Variants in SNX7 observed in about 807,000 individuals in gnomAD.
SNX7 encodes the protein sorting nexin-7.
SNX7 carries 35 observed loss-of-function variants against 48.4 expected under a neutral mutation model. The ratio of observed to expected loss-of-function variants is 0.72; its 90% CI spans 0.55 to 0.96. The LOEUF is 0.96. SNX7 is among the 40% of genes least tolerant of loss of function. The pLI is 0.00. For missense variants in SNX7, 553 were observed against 548.9 expected (o/e 1.01, Z -0.07); for synonymous variants, 190 against 190.2 (o/e 1.00, Z 0.01).
At chr1:98,678,573 T>C (rs761177027) in intron 1 of SNX7, among the ~76,000 whole-genome samples, 18 of 152,100 alleles carry the variant, frequency 1.2e-4, no homozygotes, top group Non-Finnish European at 2.4e-4. Flanking sequence ...GGCAGGGAAA[T>C]AACAAAATAT....
rs1650492820 is a variant in SNX7, at chr1:98,681,591, G to A, written c.181-3294G>A. Among the ~76,000 whole-genome samples, 4 of 152,268 alleles carry A rather than the reference G, an allele frequency of 2.6e-5. No individual in the cohort carries two copies. In the South Asian group the frequency reaches 8.3e-4, roughly 32 times the overall value. ...ACGTATGTATATATTTGAGAGAAAG[G>A]AAACATTGCCTATAAAGTAGCTTCG... On this transcript the variant is annotated intron_variant, in intron 1 of 8. Transcript: ENST00000306121.
At position 98,738,360 on chromosome 1, in the gene SNX7, G is replaced by A. The variant is rs761438164; in HGVS notation, c.1249G>A (p.Ala417Thr). The A allele has an allele frequency of 6.2e-7, 1 of 1,613,386 alleles. No homozygotes were observed. The highest frequency in any genetic ancestry group is 2.2e-5 in the East Asian group (1 of 44,770). ...TATCAAGTTAGCATTTACAGATATG[G>A]CTGAGGAGAATATCCATTATTATGA... ...NDIKLAFTDMAEENIHYYEQC... is the reference protein window; with the variant it reads ...NDIKLAFTDMTEENIHYYEQC... The change falls in exon 8 of 9, where the codon GCT becomes ACT. Residue 417 changes from alanine to threonine, a missense_variant. Transcript: ENST00000306121.
intron 8 of SNX7, among the ~76,000 whole-genome samples, chr1:98,751,654 G>A (rs773949543): frequency 3.9e-5 from 6 of 152,062 alleles, no homozygotes; most frequent in Middle Eastern, 3.2e-3. Context: ...CTAATTGCAT[G>A]TATAGCATAT....
chr1:98,754,647 G>A (rs565875252), intron 8 of SNX7, among the ~76,000 whole-genome samples: 22 of 151,956 alleles, frequency 1.4e-4, no homozygotes, highest in Non-Finnish European at 2.8e-4. Flanking sequence ...AGTGGAATCC[G>A]AACTAACATT....
At chr1:98,758,435 G>C (rs536516036) in intron 8 of SNX7, among the ~76,000 whole-genome samples, 2 of 152,022 alleles carry the variant, frequency 1.3e-5, no homozygotes, top group Admixed American at 1.3e-4. Flanking sequence ...ATCCCTATGA[G>C]AGAGGCTATT....
rs1287176002 is a variant in SNX7, at chr1:98,758,417, A to C, written c.1279-1637A>C. On this transcript the variant is annotated intron_variant, in intron 8 of 8. Transcript: ENST00000306121. ...CCTCCTCTTCCTATTTTATTTTGTTATTTCTCCATCCCTATGAGAGAGGCT... is the reference window on the plus strand; with the variant it reads ...CCTCCTCTTCCTATTTTATTTTGTTCTTTCTCCATCCCTATGAGAGAGGCT... 2.6e-5 allele frequency among the ~76,000 whole-genome samples: 4 copies of C among 151,660 alleles called. No homozygotes were observed. In the East Asian group the frequency reaches 7.8e-4, roughly 29 times the overall value.
Position 98,684,934 on chromosome 1 carries a change from C to A in SNX7, c.230C>A (p.Ser77Tyr). The A allele has an allele frequency of 6.3e-7, 1 of 1,593,278 alleles. No homozygotes were observed. Among genetic ancestry groups the A allele is most frequent in the South Asian group, 1.2e-5 (1 of 85,912 alleles). ...MNSFSPMMPT[S>Y]PLSMINQIKF... ...TCCTTCAGCCCTATGATGCCAACAT[C>A]CCCTTTATCAATGATAAACCAAATC... The change falls in exon 2 of 9, where the codon TCC (serine) becomes TAC (tyrosine). Residue 77 changes from serine to tyrosine, a missense_variant. Coordinates refer to ENST00000306121, the MANE Select transcript of SNX7 (RefSeq NM_015976.5).
intron 2 of SNX7, among the ~76,000 whole-genome samples, chr1:98,685,949 A>C (rs1650771415): frequency 6.6e-6 from 1 of 152,150 alleles, no homozygotes; most frequent in Non-Finnish European, 1.5e-5. Context: ...GAGGCTTCTC[A>C]GTCTGGTGCC....
chr1:98,730,689 T>C (rs1044310448), intron 7 of SNX7, among the ~76,000 whole-genome samples: 25 of 151,996 alleles, frequency 1.6e-4, no homozygotes, highest in African/African-American at 5.8e-4. Context: ...GGAATACAGC[T>C]AACAAAAGAA....
chr1:98,687,724 A>C (rs1462073357), intron 2 of SNX7, among the ~76,000 whole-genome samples: 3 of 152,162 alleles, frequency 2.0e-5, no homozygotes, highest in African/African-American at 7.2e-5. Flanking sequence ...AGACATACCC[A>C]GTACTGGGTA....
intron 1 of SNX7, among the ~76,000 whole-genome samples, chr1:98,682,730 T>C (rs1167280979): frequency 6.6e-6 from 1 of 152,202 alleles, no homozygotes; most frequent in Non-Finnish European, 1.5e-5. Context: ...TGTTATGAAA[T>C]GTCATGGTGA....
chr1:98,749,810 G>A (rs886908119), intron 8 of SNX7, among the ~76,000 whole-genome samples: 7 of 152,114 alleles, frequency 4.6e-5, no homozygotes, highest in African/African-American at 7.2e-5. Flanking sequence ...AAATAATTTC[G>A]TGGTGCTATT....
At chr1:98,722,209 G>A (rs928194726) in intron 7 of SNX7, among the ~76,000 whole-genome samples, 4 of 152,052 alleles carry the variant, frequency 2.6e-5, no homozygotes, top group South Asian at 2.1e-4. Flanking sequence ...AACAAGTTAC[G>A]TTTGGATAAC....
At chr1:98,736,771 A>G (rs1653799824) in intron 7 of SNX7, among the ~76,000 whole-genome samples, 1 of 152,194 alleles carries the variant, frequency 6.6e-6, no homozygotes. Flanking sequence ...GAAATTTCAT[A>G]TTTAAAAAGG....
At chr1:98,708,223 C>T (rs1187364076) in intron 7 of SNX7, among the ~76,000 whole-genome samples, 1 of 152,146 alleles carries the variant, frequency 6.6e-6, no homozygotes, top group Non-Finnish European at 1.5e-5. Context: ...CATATCCATC[C>T]ACACATGTAT....
intron 8 of SNX7, among the ~76,000 whole-genome samples, chr1:98,757,884 G>A (rs1654930409): frequency 6.6e-6 from 1 of 151,992 alleles, no homozygotes; most frequent in African/African-American, 2.4e-5. Flanking sequence ...AGAGATTTAT[G>A]GGATCTACCT....
At chr1:98,717,855 A>C (rs369287851) in intron 7 of SNX7, among the ~76,000 whole-genome samples, 2 of 152,136 alleles carry the variant, frequency 1.3e-5, no homozygotes, top group East Asian at 1.9e-4. Flanking sequence ...TGTCCTTCCC[A>C]GGGGGCAGAT....
At chr1:98,693,594 T>C (rs969626544) in intron 4 of SNX7, among the ~76,000 whole-genome samples, 1 of 152,206 alleles carries the variant, frequency 6.6e-6, no homozygotes, top group Non-Finnish European at 1.5e-5. Context: ...GTGAGCTGTC[T>C]CTGATAATGT....
Position 98,682,244 on chromosome 1 carries a change from G to C in SNX7, c.181-2641G>C, listed in dbSNP as rs1419662465. 2.7e-5 allele frequency among the ~76,000 whole-genome samples: 4 copies of C among 148,094 alleles called. No individual in the cohort carries two copies. In the Admixed American group the frequency reaches 2.7e-4, roughly 10 times the overall value. ...CTCGCTTCCTTTATTCTTTCTCCTT[G>C]TCATCTCCTTGATACCCTGGATATT... is the stretch of plus-strand genomic sequence containing the variant. On this transcript the variant is annotated intron_variant, in intron 1 of 8. Transcript: ENST00000306121.
Sources: allele counts gnomAD v4.1 joint callset (sites outside exome capture counted in the v4.1 genomes callset), GRCh38; gene constraint gnomAD v4.1.1; transcripts MANE v1.5; gene names NCBI Gene and HGNC (gene_info 2026-07-23, HGNC 2026-07-21).